The following PRKN variants were observed in gnomAD, a reference collection of about 807,000 sequenced individuals.
The protein encoded by PRKN is E3 ubiquitin-protein ligase parkin.
Under a neutral mutation model 59.5 loss-of-function variants are expected in PRKN, and 56 were observed. The ratio of observed to expected loss-of-function variants is 0.94; its 90% CI spans 0.76 to 1.18. The LOEUF (loss-of-function observed/expected upper bound fraction) is 1.18, where lower values mean the gene tolerates loss of function less well. PRKN is among the 50% of genes most tolerant of loss of function. PRKN has a pLI of 0.00. For missense variants in PRKN, 657 were observed against 596.4 expected (o/e 1.10, Z -1.06); for synonymous variants, 250 against 222.1 (o/e 1.13, Z -1.12).
At position 161,378,512 on chromosome 6, in the gene PRKN, T is replaced by C. The variant is rs12211065; in HGVS notation, c.1167+8282A>G. On this transcript the variant is annotated intron_variant, in intron 10 of 11. Coordinates refer to ENST00000366898, the MANE Select transcript of PRKN (RefSeq NM_004562.3). This position sits in a 1 kb window ranked among gnomAD's most constrained non-coding sequence, Gnocchi z 7.3. ...GTGACACCAGGGAAGATGAAGACAC[T>C]CCATCTTGACAGGAAGTGACTCCTT... Among the ~76,000 whole-genome samples, 11,886 of 152,212 alleles carry C rather than the reference T, an allele frequency of 0.078. 577 individuals are homozygous for C. The highest frequency in any genetic ancestry group is 0.1 in the Non-Finnish European group (6,971 of 68,006).
intron 9 of PRKN, among the ~76,000 whole-genome samples, chr6:161,524,494 T>A (rs565748132): frequency 1.7e-4 from 26 of 152,294 alleles, no homozygotes; most frequent in Middle Eastern, 6.8e-3. Context: ...TACGGCTGCA[T>A]GCCCCTGTGC....
intron 3 of PRKN, among the ~76,000 whole-genome samples, chr6:162,261,557 G>C (rs1035567589): frequency 2.6e-5 from 4 of 151,928 alleles, no homozygotes; most frequent in African/African-American, 7.2e-5. Flanking sequence ...AGTATTGCAG[G>C]GGTTTAGATT....
At position 161,811,849 on chromosome 6, in the gene PRKN, G is replaced by T. The variant is rs1049701820; in HGVS notation, c.735-25941C>A. Among the ~76,000 whole-genome samples, 10 of 151,936 alleles carry T rather than the reference G, an allele frequency of 6.6e-5. No individual in the cohort carries two copies. In the East Asian group the frequency reaches 1.2e-3, roughly 18 times the overall value. ...AGGCAGGGGTATCGCTTGAACCTGG[G>T]AGGTGGAGGTTGCAGTGAGTTGAGA... On this transcript the variant is annotated intron_variant, in intron 6 of 11. Transcript: ENST00000366898.
At chr6:162,329,056 T>C (rs973257645) in intron 2 of PRKN, among the ~76,000 whole-genome samples, 6 of 152,202 alleles carry the variant, frequency 3.9e-5, no homozygotes, top group African/African-American at 1.4e-4. Flanking sequence ...TATCTGTATG[T>C]GTTCGGGTAC....
chr6:162,040,784 A>G lies in PRKN; in HGVS notation c.618+13307T>C, dbSNP rs549228691. On this transcript the variant is annotated intron_variant, in intron 5 of 11. Transcript: ENST00000366898. ...ATTTTTAAAGAACCACGCAAGGATG[A>G]ATAGCTTGGTAACATTGAGGGAGGT... 4.6e-5 allele frequency among the ~76,000 whole-genome samples: 7 copies of G among 152,082 alleles called. No homozygotes were observed. The South Asian group carries it at 1.2e-3, about 27-fold the overall frequency.
At chr6:162,474,455 T>C (rs1315436228) in intron 1 of PRKN, among the ~76,000 whole-genome samples, 2 of 152,168 alleles carry the variant, frequency 1.3e-5, no homozygotes, top group Non-Finnish European at 2.9e-5. Flanking sequence ...AAATCCCATG[T>C]CAATTGTTAA....
rs191274809 is a variant in PRKN, at chr6:161,993,186, T to C, written c.619-19769A>G. ...ATAACAACTTGGTTTTTGAAAAAGA[T>C]AAAAATCACAAACTACTAGTTAGAA... On this transcript the variant is annotated intron_variant, in intron 5 of 11. Coordinates refer to ENST00000366898, the MANE Select transcript of PRKN (RefSeq NM_004562.3). Among the ~76,000 whole-genome samples, 11 of 151,880 alleles carry C rather than the reference T, an allele frequency of 7.2e-5. No homozygotes were observed. In the East Asian group the frequency reaches 9.7e-4, roughly 13 times the overall value.
intron 2 of PRKN, among the ~76,000 whole-genome samples, chr6:162,333,981 G>T (rs143795815): frequency 1.3e-5 from 2 of 152,164 alleles, no homozygotes; most frequent in East Asian, 3.9e-4. Context: ...CTGGATACAA[G>T]ATCGAAACAG....
chr6:161,842,313 G>A (rs1300500427), intron 6 of PRKN, among the ~76,000 whole-genome samples: 2 of 151,672 alleles, frequency 1.3e-5, no homozygotes, highest in African/African-American at 2.4e-5. Flanking sequence ...GTGAAACCTC[G>A]TCTTTACTAA....
chr6:162,108,956 C>T lies in PRKN; in HGVS notation c.535-54782G>A, dbSNP rs1233283760. ...TAAAAAGCAATGTTTACTGAAGTGG[C>T]GGTGTACAGCAGCAGCAGCGCTGCC... On this transcript the variant is annotated intron_variant, in intron 4 of 11. Transcript: ENST00000366898. 3.3e-5 allele frequency among the ~76,000 whole-genome samples: 5 copies of T among 152,308 alleles called. No homozygotes were observed. The South Asian group carries it at 6.2e-4, about 19-fold the overall frequency.
rs889844975 is a variant in PRKN at position 161,587,482 on chromosome 6, T to C, written c.872-18066A>G. Among the ~76,000 whole-genome samples, 10 of 152,300 alleles carry C rather than the reference T, an allele frequency of 6.6e-5. No homozygotes were observed. The East Asian group carries it at 1.7e-3, about 26-fold the overall frequency. On this transcript the variant is annotated intron_variant, in intron 7 of 11. Transcript: ENST00000366898. ...CAGAAACAAAAAATCAAGATTTTTT[T>C]CTTTTCCAACTATAAATAAAGCAAA...
At chr6:161,478,700 A>G (rs796072577) in intron 9 of PRKN, among the ~76,000 whole-genome samples, 4 of 152,160 alleles carry the variant, frequency 2.6e-5, no homozygotes, top group African/African-American at 9.6e-5. Context: ...ACAATAAATT[A>G]GCCTAGCCTG....
At chr6:161,531,451 T>C (rs1168223365) in intron 9 of PRKN, among the ~76,000 whole-genome samples, 1 of 151,834 alleles carries the variant, frequency 6.6e-6, no homozygotes, top group Non-Finnish European at 1.5e-5. Context: ...GCAACATTGC[T>C]GAGGAAACTG....
At chr6:161,613,470 G>C (rs1321407049) in intron 7 of PRKN, among the ~76,000 whole-genome samples, 1 of 152,096 alleles carries the variant, frequency 6.6e-6, no homozygotes, top group Non-Finnish European at 1.5e-5. Flanking sequence ...AGTTGATCAA[G>C]CAGTAGCTTT....
At chr6:161,779,304 C>T (rs1790087607) in intron 7 of PRKN, among the ~76,000 whole-genome samples, 1 of 152,092 alleles carries the variant, frequency 6.6e-6, no homozygotes, top group South Asian at 2.1e-4. Context: ...CAGAAGAAAG[C>T]TGTGCCCTGG....
intron 4 of PRKN, among the ~76,000 whole-genome samples, chr6:162,186,043 G>A (rs1341271967): frequency 2.6e-5 from 4 of 151,852 alleles, no homozygotes; most frequent in African/African-American, 9.7e-5. Flanking sequence ...TATTCTCTGT[G>A]AACCTTGTAT....
chr6:161,869,490 A>T (rs1157881096), intron 6 of PRKN, among the ~76,000 whole-genome samples: 1 of 152,236 alleles, frequency 6.6e-6, no homozygotes, highest in Non-Finnish European at 1.5e-5. Flanking sequence ...TACGAGGCCA[A>T]GAAGAAATTA....
chr6:161,565,293 G>A (rs1780598924), intron 8 of PRKN, among the ~76,000 whole-genome samples: 1 of 152,068 alleles, frequency 6.6e-6, no homozygotes, highest in Non-Finnish European at 1.5e-5. Flanking sequence ...CCAGTGGATT[G>A]ACCTCACTCC....
chr6:161,911,400 C>A (rs929752606), intron 6 of PRKN, among the ~76,000 whole-genome samples: 1 of 152,166 alleles, frequency 6.6e-6, no homozygotes, highest in Admixed American at 6.5e-5. Context: ...TTCAACAAAG[C>A]TTAAACCCCC....
Sources: allele counts gnomAD v4.1 joint callset (sites outside exome capture counted in the v4.1 genomes callset), GRCh38; gene constraint gnomAD v4.1.1; non-coding constraint Gnocchi (gnomAD v3.1); transcripts MANE v1.5; gene names NCBI Gene and HGNC (gene_info 2026-07-23, HGNC 2026-07-21).